MTHFD2L: variants seen among roughly 807,000 people sequenced by gnomAD.
MTHFD2L encodes methylenetetrahydrofolate dehydrogenase (NADP+ dependent) 2 like.
A neutral mutation model predicts 34.9 loss-of-function variants in MTHFD2L; 29 were observed. That is an observed-to-expected ratio of 0.83 (90% CI 0.62 to 1.13). The LOEUF is 1.13. Among genes scored for constraint, MTHFD2L ranks in the 50% most tolerant of loss-of-function variants. The probability of loss-of-function intolerance (pLI) is 0.00; values close to 1 mark genes in which losing one functional copy is unlikely to be tolerated. For synonymous variants in MTHFD2L, 167 were observed against 155.7 expected (o/e 1.07, Z -0.54); for missense variants, 481 against 446.5 (o/e 1.08, Z -0.70).
intron 5 of MTHFD2L, among the ~76,000 whole-genome samples, chr4:74,207,198 C>T (rs734222): frequency 0.89 from 135,115 of 152,192 alleles, 61,695 homozygotes; most frequent in Non-Finnish European, 0.99. Context: ...CTGCACCCAG[C>T]CTCATATTCT....
rs1009698593 is a variant in MTHFD2L at position 74,143,498 on chromosome 4, G to A, written c.-296-16557G>A. 1.4e-4 allele frequency: 128 copies of A among 936,858 alleles called. No individual in the cohort carries two copies. In the African/African-American group the frequency reaches 2.0e-3, roughly 15 times the overall value. 58.0% of individuals were successfully genotyped at this position (936,858 alleles called of 1,614,324 possible). ...TGGAACTGTCTCAGGGGCCATGGAT[G>A]GAAGGGGCAGAAGACTAAACAAGCA... On this transcript the variant is annotated intron_variant, in intron 1 of 7. Transcript: ENST00000433372.
At chr4:74,168,840 T>G (rs1372264818) in intron 1 of MTHFD2L, among the ~76,000 whole-genome samples, 1 of 152,190 alleles carries the variant, frequency 6.6e-6, no homozygotes. Flanking sequence ...ACATTTGAAT[T>G]GTTGCTGATG....
intron 6 of MTHFD2L, among the ~76,000 whole-genome samples, chr4:74,238,983 G>A (rs1741282479): frequency 6.6e-6 from 1 of 152,322 alleles, no homozygotes; most frequent in African/African-American, 2.4e-5. Flanking sequence ...TCCCATTACT[G>A]GGTATACACC....
In MTHFD2L at chr4:74,184,841, A is replaced by T. The variant is rs569623778; in HGVS notation, c.451+9438A>T. ...TCTCTGACCACAATGGAATTAAATT[A>T]AAAATGAGTAACAAAACCTTCTGGA... On this transcript the variant is annotated intron_variant, in intron 3 of 7. Transcript: ENST00000325278. Among the ~76,000 whole-genome samples the T allele has an allele frequency of 1.1e-4, 16 of 152,248 alleles. No homozygotes were observed. In the East Asian group the frequency reaches 2.9e-3, roughly 28 times the overall value.
At chr4:74,206,860 G>T (rs1437975610) in intron 5 of MTHFD2L, among the ~76,000 whole-genome samples, 1 of 152,068 alleles carries the variant, frequency 6.6e-6, no homozygotes, top group Non-Finnish European at 1.5e-5. Context: ...TGTCATAAGA[G>T]GATATAGAAT....
intron 3 of MTHFD2L, among the ~76,000 whole-genome samples, chr4:74,191,025 T>A (rs1732379121): frequency 6.6e-6 from 1 of 152,110 alleles, no homozygotes; most frequent in Admixed American, 6.5e-5. Flanking sequence ...CTCAGCTTCC[T>A]GAGTAGCTGG....
chr4:74,230,615 A>G (rs1393854018), intron 6 of MTHFD2L, among the ~76,000 whole-genome samples: 2 of 151,916 alleles, frequency 1.3e-5, no homozygotes, highest in Admixed American at 6.6e-5. Context: ...AGAAAAAAGA[A>G]AAAAAGAAAT....
rs529207444 is a variant in MTHFD2L, at chr4:74,135,204, G to A, written c.-297+9687G>A. Among the ~76,000 whole-genome samples, 5 of 152,048 alleles carry A rather than the reference G, an allele frequency of 3.3e-5. No homozygotes were observed. The South Asian group carries it at 1.0e-3, about 31-fold the overall frequency. ...TCAAGCATAAAGATAAAACTGTAAT[G>A]GCAGCAAGAGAAAAGAAGCAAGCAG... On this transcript the variant is annotated intron_variant, in intron 1 of 7. Transcript: ENST00000433372.
chr4:74,151,333 A>C (rs1038763275), intron 1 of MTHFD2L, among the ~76,000 whole-genome samples: 9 of 152,248 alleles, frequency 5.9e-5, no homozygotes, highest in African/African-American at 1.4e-4. Flanking sequence ...ATTCAAATCA[A>C]AAATCAATTT....
Position 74,219,103 on chromosome 4 carries a change from A to G in MTHFD2L, c.713-6199A>G, listed in dbSNP as rs74494818. ...ATTTAAAGTGTGTAGGAGTATATGC[A>G]TAGGTTATATGCAAATACTATATTA... is the stretch of plus-strand genomic sequence containing the variant. On this transcript the variant is annotated intron_variant, in intron 5 of 7. Coordinates refer to ENST00000325278, the MANE Select transcript of MTHFD2L (RefSeq NM_001144978.3). Among the ~76,000 whole-genome samples the G allele has an allele frequency of 5.0e-3, 756 of 152,216 alleles. 4 individuals are homozygous for G. The highest frequency in any genetic ancestry group is 0.016 in the African/African-American group (678 of 41,566).
chr4:74,212,649 G>T (rs1042787722), intron 5 of MTHFD2L, among the ~76,000 whole-genome samples: 1 of 152,190 alleles, frequency 6.6e-6, no homozygotes, highest in Non-Finnish European at 1.5e-5. Context: ...GTGATGTGGT[G>T]TCGAGAAGAA....
intron 3 of MTHFD2L, among the ~76,000 whole-genome samples, chr4:74,176,549 C>T (rs1160224370): frequency 6.6e-6 from 1 of 151,984 alleles, no homozygotes; most frequent in Admixed American, 6.6e-5. Flanking sequence ...CAACACTTTG[C>T]CATCGATGTT....
chr4:74,149,855 C>T (rs1723824148), intron 1 of MTHFD2L, among the ~76,000 whole-genome samples: 1 of 152,130 alleles, frequency 6.6e-6, no homozygotes, highest in Admixed American at 6.5e-5. Flanking sequence ...GAATATATCA[C>T]CTTACATGGC....
chr4:74,119,789 A>T (rs543130255), upstream of MTHFD2L, among the ~76,000 whole-genome samples: 1 of 152,234 alleles, frequency 6.6e-6, no homozygotes, highest in Non-Finnish European at 1.5e-5. Flanking sequence ...TCTCAAAAAA[A>T]AACAAAAAAA....
intron 1 of MTHFD2L, chr4:74,161,929 G>C (rs1454905788): frequency 6.6e-6 from 1 of 152,188 alleles, no homozygotes; most frequent in Non-Finnish European, 1.5e-5. Flanking sequence ...TTTAAGAGAG[G>C]AGCTTAGGTG....
chr4:74,215,203 C>T (rs1736998047), intron 5 of MTHFD2L, among the ~76,000 whole-genome samples: 1 of 151,664 alleles, frequency 6.6e-6, no homozygotes, highest in Admixed American at 6.6e-5. Flanking sequence ...CCAGAGTGAA[C>T]GGTTCTGTCT....
chr4:74,231,934 A>G (rs1374653440), intron 6 of MTHFD2L, among the ~76,000 whole-genome samples: 1 of 152,212 alleles, frequency 6.6e-6, no homozygotes, highest in African/African-American at 2.4e-5. Context: ...CCTTTTGCAT[A>G]GTGTAATCAA....
At chr4:74,261,191 G>A (rs1326335648) in intron 6 of MTHFD2L, among the ~76,000 whole-genome samples, 1 of 151,990 alleles carries the variant, frequency 6.6e-6, no homozygotes, top group African/African-American at 2.4e-5. Flanking sequence ...AAGAGGAGAC[G>A]AGGTGGTGTT....
intron 5 of MTHFD2L, among the ~76,000 whole-genome samples, chr4:74,213,475 A>G (rs994590589): frequency 9.2e-5 from 14 of 152,178 alleles, no homozygotes; most frequent in Non-Finnish European, 2.1e-4. Flanking sequence ...TTGGCTGGAT[A>G]TGAAATTCTG....
Sources: gnomAD v4.1 joint callset for allele counts (sites outside exome capture counted in the v4.1 genomes callset) on GRCh38, gnomAD v4.1.1 for gene constraint, MANE v1.5 for transcripts, NCBI Gene and HGNC (gene_info 2026-07-23, HGNC 2026-07-21) for gene names.